Variants in RARB observed in about 807,000 individuals in gnomAD.
RARB encodes the protein retinoic acid receptor beta, also known as HBV-activated protein.
Under a neutral mutation model 51.9 loss-of-function variants are expected in RARB, and 17 were observed. That is an observed-to-expected ratio of 0.33 (90% CI 0.22 to 0.49). The LOEUF (loss-of-function observed/expected upper bound fraction) is 0.49, where lower values mean the gene tolerates loss of function less well. Among genes scored for constraint, RARB ranks in the 20% least tolerant of loss-of-function variants. RARB has a pLI of 0.99. For synonymous variants in RARB, 215 were observed against 195.4 expected (o/e 1.10, Z -0.84); for missense variants, 369 against 550.8 (o/e 0.67, Z 3.30).
At chr3:25,168,878 T>TGC (rs1372602610) in intron 4 of RARB, among the ~76,000 whole-genome samples, 1 of 152,178 alleles carries the variant, frequency 6.6e-6, no homozygotes, top group Non-Finnish European at 1.5e-5. Flanking sequence ...GCAGATTGAA[T>TGC]GCATTTACTA....
intron 3 of RARB, among the ~76,000 whole-genome samples, chr3:25,545,131 G>T (rs1183234323): frequency 6.6e-6 from 1 of 152,044 alleles, no homozygotes; most frequent in Non-Finnish European, 1.5e-5. Flanking sequence ...TTTTAGTAGA[G>T]ATGGGGTTTT....
At chr3:25,462,988 A>G (rs1457784824) in intron 2 of RARB, among the ~76,000 whole-genome samples, 1 of 152,204 alleles carries the variant, frequency 6.6e-6, no homozygotes, top group Non-Finnish European at 1.5e-5. Flanking sequence ...AGGAACATCA[A>G]CTCAACTTTT....
chr3:25,013,495 G>T (rs1366266465), intron 2 of RARB, among the ~76,000 whole-genome samples: 1 of 152,006 alleles, frequency 6.6e-6, no homozygotes, highest in Admixed American at 6.6e-5. Flanking sequence ...TCCTGTTTCA[G>T]TCATCCTGCC....
intron 3 of RARB, among the ~76,000 whole-genome samples, chr3:25,564,903 C>T (rs1700428069): frequency 2.0e-5 from 3 of 152,108 alleles, no homozygotes; most frequent in South Asian, 4.1e-4. Flanking sequence ...AAGAAGAGGT[C>T]CACCATCAAA....
intron 2 of RARB, among the ~76,000 whole-genome samples, chr3:25,471,570 A>C (rs1695695850): frequency 6.8e-6 from 1 of 148,132 alleles, no homozygotes; most frequent in African/African-American, 2.5e-5. Flanking sequence ...GGGGGGAGTG[A>C]ATTCTGAATT....
Position 25,594,694 on chromosome 3 carries a change from C to G in RARB, c.1150+16C>G, listed in dbSNP as rs1219778146. The G allele has an allele frequency of 1.3e-6, 2 of 1,599,278 alleles. No homozygotes were observed. The highest frequency in any genetic ancestry group is 1.7e-6 in the Non-Finnish European group (2 of 1,174,206). On this transcript the variant is annotated intron_variant, in intron 7 of 7. Transcript: ENST00000330688. ...AGTGCTAAAGGTATGTCTTCGTGCT[C>G]TCAGTACTGTAGTCACACAGTGGAC...
chr3:25,473,742 T>C (rs1246863719), intron 2 of RARB, among the ~76,000 whole-genome samples: 3 of 152,116 alleles, frequency 2.0e-5, no homozygotes, highest in Non-Finnish European at 2.9e-5. Flanking sequence ...CTCAAGTGTT[T>C]CTGAGGCAGC....
chr3:25,339,183 T>A (rs1487023519), intron 5 of RARB, among the ~76,000 whole-genome samples: 2 of 152,218 alleles, frequency 1.3e-5, no homozygotes, highest in African/African-American at 4.8e-5. Flanking sequence ...TGCCTTGTCC[T>A]ACCGAAACAA....
At chr3:25,041,358 A>T (rs1183326805) in intron 2 of RARB, among the ~76,000 whole-genome samples, 2 of 152,142 alleles carry the variant, frequency 1.3e-5, no homozygotes, top group Non-Finnish European at 2.9e-5. Flanking sequence ...TAATATTTAA[A>T]TATTCGAATC....
intron 2 of RARB, among the ~76,000 whole-genome samples, chr3:24,878,712 G>A (rs1703098971): frequency 6.6e-6 from 1 of 152,008 alleles, no homozygotes; most frequent in Admixed American, 6.6e-5. Context: ...TCTTGGAGTC[G>A]GGGGTGAAGT....
At chr3:25,442,037 G>T (rs1024965840) in intron 1 of RARB, among the ~76,000 whole-genome samples, 3 of 152,168 alleles carry the variant, frequency 2.0e-5, no homozygotes, top group Non-Finnish European at 2.9e-5. Flanking sequence ...TAATATCATA[G>T]TCGCTAGCCA....
At chr3:25,480,596 G>A (rs1017703702) in intron 2 of RARB, among the ~76,000 whole-genome samples, 1 of 152,168 alleles carries the variant, frequency 6.6e-6, no homozygotes, top group Non-Finnish European at 1.5e-5. Flanking sequence ...AATTCTAAAG[G>A]TGAGAGTCAA....
chr3:25,378,513 T>C (rs1706532916), intron 5 of RARB, among the ~76,000 whole-genome samples: 1 of 152,208 alleles, frequency 6.6e-6, no homozygotes, highest in African/African-American at 2.4e-5. Flanking sequence ...ATTTAAACTT[T>C]GTAAAGGATA....
chr3:25,186,965 T>C (rs1255961481), intron 5 of RARB, among the ~76,000 whole-genome samples: 1 of 138,930 alleles, frequency 7.2e-6, no homozygotes, highest in Non-Finnish European at 1.5e-5. Context: ...TGATGAAGAG[T>C]AGCCAGTCAT....
intron 1 of RARB, among the ~76,000 whole-genome samples, chr3:25,456,690 G>T (rs1175113988): frequency 0.04 from 5,096 of 126,102 alleles, 83 homozygotes; most frequent in African/African-American, 0.068. Context: ...TATAGAGAGA[G>T]AGAGAGAGAG....
chr3:25,015,570 A>G (rs1011604931), intron 2 of RARB, among the ~76,000 whole-genome samples: 14 of 152,172 alleles, frequency 9.2e-5, no homozygotes, highest in African/African-American at 3.4e-4. Context: ...AAACTGATAC[A>G]AAGGATTTCA....
intron 2 of RARB, among the ~76,000 whole-genome samples, chr3:24,941,611 G>A (rs1410347990): frequency 5.3e-5 from 8 of 151,916 alleles, no homozygotes; most frequent in Non-Finnish European, 8.8e-5. Context: ...CTTGTGATCC[G>A]CCCACCTCAG....
In RARB at chr3:24,870,473, T is replaced by C. The variant is rs527660188; in HGVS notation, c.-380+11721T>C. On this transcript the variant is annotated intron_variant, in intron 2 of 11. Transcript: ENST00000383772. ...TTTTTCTGGGCTCTTAGTTATGTTT[T>C]ATTTTTTATAAATTTATATCAACAC... Among the ~76,000 whole-genome samples the C allele has an allele frequency of 4.6e-5, 7 of 152,284 alleles. No homozygotes were observed. The South Asian group carries it at 1.4e-3, about 32-fold the overall frequency.
chr3:25,301,119 T>A (rs1396962285), intron 5 of RARB, among the ~76,000 whole-genome samples: 1 of 152,144 alleles, frequency 6.6e-6, no homozygotes, highest in African/African-American at 2.4e-5. Context: ...TTGACTTAAT[T>A]TTTTTTTACT....
Sources: allele counts gnomAD v4.1 joint callset (sites outside exome capture counted in the v4.1 genomes callset), GRCh38; gene constraint gnomAD v4.1.1; transcripts MANE v1.5; gene names NCBI Gene and HGNC (gene_info 2026-07-23, HGNC 2026-07-21).